The following CACNA1D variants were observed in gnomAD, a reference collection of about 807,000 sequenced individuals.
The protein encoded by CACNA1D is calcium voltage-gated channel subunit alpha1 D.
Under a neutral mutation model 257.1 loss-of-function variants are expected in CACNA1D, and 55 were observed. The observed-to-expected ratio is 0.21, with a 90% CI of 0.17 to 0.27. CACNA1D has a LOEUF of 0.27. CACNA1D is among the 10% of genes least tolerant of loss of function. The pLI is 1.00. For missense variants in CACNA1D, 1,876 were observed against 2,784.0 expected (o/e 0.67, Z 7.34); for synonymous variants, 980 against 1,014.9 (o/e 0.97, Z 0.65).
chr3:53,668,519 G>A (rs1337641634), intron 7 of CACNA1D, among the ~76,000 whole-genome samples: 3 of 152,060 alleles, frequency 2.0e-5, no homozygotes, highest in Non-Finnish European at 4.4e-5. Flanking sequence ...ATTCTGGTGG[G>A]GATCTCAAGC....
At chr3:53,790,982 T>A (rs1369971317) in intron 40 of CACNA1D, 2 of 702,416 alleles carry the variant, frequency 2.8e-6, no homozygotes, top group Non-Finnish European at 5.2e-6. Flanking sequence ...TTGTTTCAGA[T>A]GCTTGAACGG....
At chr3:53,531,872 G>A (rs1047067149) in intron 3 of CACNA1D, among the ~76,000 whole-genome samples, 5 of 152,210 alleles carry the variant, frequency 3.3e-5, no homozygotes, top group Non-Finnish European at 7.3e-5. Flanking sequence ...GAACAAGGAA[G>A]CTTGCCTTGC....
At chr3:53,613,906 A>G (rs562607701) in intron 3 of CACNA1D, among the ~76,000 whole-genome samples, 7 of 152,234 alleles carry the variant, frequency 4.6e-5, no homozygotes, top group African/African-American at 1.2e-4. Context: ...TTGAATAACT[A>G]AAGTTCAATA....
At chr3:53,771,848 G>A (rs2095368029) in intron 32 of CACNA1D, among the ~76,000 whole-genome samples, 1 of 152,224 alleles carries the variant, frequency 6.6e-6, no homozygotes, top group East Asian at 1.9e-4. Context: ...GTATGTTGAG[G>A]AAAGCCTGAA....
intron 9 of CACNA1D, among the ~76,000 whole-genome samples, chr3:53,713,445 C>G (rs2094781902): frequency 6.6e-6 from 1 of 151,516 alleles, no homozygotes; most frequent in Non-Finnish European, 1.5e-5. Flanking sequence ...TAATGGTGAA[C>G]ATAATTTTGA....
At chr3:53,572,374 G>GTTTGTTTA (rs869192357) in intron 3 of CACNA1D, among the ~76,000 whole-genome samples, 18 of 141,636 alleles carry the variant, frequency 1.3e-4, no homozygotes, top group African/African-American at 4.4e-4. Flanking sequence ...TTGTTTGTTT[G>GTTTGTTTA]TTTATTTATT....
At chr3:53,653,481 G>A (rs2094118282) in intron 4 of CACNA1D, among the ~76,000 whole-genome samples, 1 of 151,932 alleles carries the variant, frequency 6.6e-6, no homozygotes, top group African/African-American at 2.4e-5. Flanking sequence ...GGACTTAAAG[G>A]GATACCTGAT....
intron 28 of CACNA1D, 140 bp downstream of exon 28, chr3:53,752,047 T>A (rs2095230618): frequency 2.4e-6 from 2 of 822,170 alleles, no homozygotes; most frequent in Non-Finnish European, 4.3e-6. Flanking sequence ...TGGCCAGAGT[T>A]CTGTTCTGGC....
At chr3:53,806,971 G>A (rs1310075078) in intron 45 of CACNA1D, among the ~76,000 whole-genome samples, 1 of 152,140 alleles carries the variant, frequency 6.6e-6, no homozygotes, top group Non-Finnish European at 1.5e-5. Context: ...CAGCCACAGT[G>A]CCAGAGAGGA....
chr3:53,544,310 T>G (rs922960994), intron 3 of CACNA1D, among the ~76,000 whole-genome samples: 1 of 152,150 alleles, frequency 6.6e-6, no homozygotes, highest in African/African-American at 2.4e-5. Context: ...TTATAGAAAT[T>G]ATATAGTACA....
intron 3 of CACNA1D, among the ~76,000 whole-genome samples, chr3:53,512,965 T>C (rs762211304): frequency 8.5e-5 from 13 of 152,232 alleles, no homozygotes; most frequent in Non-Finnish European, 1.3e-4. Flanking sequence ...TGACCATAGA[T>C]TGCCACATTT....
At chr3:53,612,551 T>C (rs762387388) in intron 3 of CACNA1D, among the ~76,000 whole-genome samples, 1 of 152,232 alleles carries the variant, frequency 6.6e-6, no homozygotes, top group Non-Finnish European at 1.5e-5. Context: ...TCAGAGTTGC[T>C]TTTTGCTTAG....
Position 53,722,367 on chromosome 3 carries a change from T to G in CACNA1D, c.1559T>G (p.Val520Gly). ...RFNRRRCRAAVKSVTFYWLVI... is the reference protein window; with the variant it reads ...RFNRRRCRAAGKSVTFYWLVI... ...AATCGCAGAAGATGTAGGGCCGCCG[T>G]GAAGTCTGTCACGTTTTACTGGCTG... Residue 520 changes from valine (V) to glycine (G), a missense_variant, in exon 12 of 48, where the codon GTG becomes GGG. Physicochemically the swap from Val to Gly is moderately radical, Grantham distance 109 (BLOSUM62 -3). This residue lies in a region of CACNA1D where 257 missense variants were observed against 399.7 expected (regional missense o/e 0.64). Coordinates refer to ENST00000350061, the MANE Select transcript of CACNA1D (RefSeq NM_001128840.3). 6.2e-7 allele frequency: 1 copy of G among 1,614,232 alleles called. No individual in the cohort carries two copies. The highest frequency in any genetic ancestry group is 1.3e-5 in the African/African-American group (1 of 75,062).
intron 3 of CACNA1D, among the ~76,000 whole-genome samples, chr3:53,612,038 C>T (rs997865991): frequency 2.6e-5 from 4 of 152,148 alleles, no homozygotes; most frequent in Non-Finnish European, 2.9e-5. Context: ...TTTTAAACAT[C>T]TTCATTTCTA....
intron 3 of CACNA1D, among the ~76,000 whole-genome samples, chr3:53,642,594 G>A (rs182379622): frequency 9.2e-5 from 14 of 152,342 alleles, no homozygotes; most frequent in Admixed American, 1.3e-4. Flanking sequence ...TTGCTCTGCC[G>A]GTGAGGAGGA....
chr3:53,528,581 G>A (rs1485234057), intron 3 of CACNA1D, among the ~76,000 whole-genome samples: 1 of 152,092 alleles, frequency 6.6e-6, no homozygotes, highest in South Asian at 2.1e-4. Context: ...AGCCTTCTGG[G>A]GTTTTGATTG....
rs911273602 is a variant in CACNA1D at position 53,495,835 on chromosome 3, C to G, written c.67+602C>G. 6.6e-6 allele frequency among the ~76,000 whole-genome samples: 1 copy of G among 152,118 alleles called. No homozygotes were observed. Among genetic ancestry groups the G allele is most frequent in the African/African-American group, 2.4e-5 (1 of 41,418 alleles). ...CACACGTCGGTAACCTAGCAATGCC[C>G]GGGGAGCCGCTGCCGCTGTGGGGCT... On this transcript the variant is annotated intron_variant, in intron 1 of 47. Transcript: ENST00000350061. The surrounding 1 kb of genome is among the most constrained non-coding windows in gnomAD (Gnocchi z 5.1).
chr3:53,691,860 ATATT>A (rs1176267403), intron 8 of CACNA1D, among the ~76,000 whole-genome samples: 2 of 106,900 alleles, frequency 1.9e-5, no homozygotes, highest in East Asian at 2.5e-4. Flanking sequence ...TATATAATAT[ATATT>A]ATATATATTA....
At chr3:53,788,546 C>T (rs1217344145) in intron 40 of CACNA1D, among the ~76,000 whole-genome samples, 2 of 152,264 alleles carry the variant, frequency 1.3e-5, no homozygotes, top group Non-Finnish European at 2.9e-5. Context: ...TAGAAGAAGT[C>T]TCTGGTCCAT....
Sources: gnomAD v4.1 joint callset for allele counts (sites outside exome capture counted in the v4.1 genomes callset) on GRCh38, gnomAD v4.1.1 for gene constraint, gnomAD v4.1.1 regional missense constraint, Gnocchi (gnomAD v3.1) non-coding constraint, MANE v1.5 for transcripts, NCBI Gene and HGNC (gene_info 2026-07-23, HGNC 2026-07-21) for gene names.